DEPDC5: variants seen among roughly 807,000 people sequenced by gnomAD.
DEPDC5 encodes DEP domain containing 5, GATOR1 subcomplex subunit, also known as GATOR1 complex protein DEPDC5.
A neutral mutation model predicts 217.3 loss-of-function variants in DEPDC5; 73 were observed. The ratio of observed to expected loss-of-function variants is 0.34; its 90% confidence interval spans 0.28 to 0.41. DEPDC5 has a LOEUF of 0.41. Ranked by LOEUF, DEPDC5 falls within the 10% of genes least tolerant of loss-of-function variation. DEPDC5 has a pLI of 1.00. For missense variants in DEPDC5, 1,675 were observed against 2,070.1 expected, an observed-to-expected ratio of 0.81 and a Z score of 3.70; for synonymous variants, 733 against 756.7, an observed-to-expected ratio of 0.97 and a Z score of 0.51.
intron 19 of DEPDC5, 125 bp downstream of exon 19, chr22:31,809,772 G>C: frequency 1.1e-6 from 1 of 914,704 alleles, no homozygotes. Context: ...CTGAGGTCAG[G>C]AGTTCAAGAC....
chr22:31,870,300 G>C (rs927845388), intron 33 of DEPDC5, among the ~76,000 whole-genome samples: 1 of 152,068 alleles, frequency 6.6e-6, no homozygotes, highest in Non-Finnish European at 1.5e-5. Flanking sequence ...TTTGGTCCTG[G>C]GGATTTACTG....
chr22:31,867,033 G>T (rs1569151468), intron 33 of DEPDC5, among the ~76,000 whole-genome samples: 1 of 152,190 alleles, frequency 6.6e-6, no homozygotes. Context: ...CTAAAGCGGA[G>T]GGGGGAGTAT....
intron 21 of DEPDC5, among the ~76,000 whole-genome samples, chr22:31,816,194 G>GGAGGCT (rs1358425437): frequency 2.6e-5 from 4 of 151,440 alleles, no homozygotes; most frequent in African/African-American, 9.7e-5. Context: ...CAGCTACTCA[G>GGAGGCT]GAGGCTGAGG....
At chr22:31,848,767 A>G (rs1356689768) in intron 31 of DEPDC5, among the ~76,000 whole-genome samples, 1 of 152,110 alleles carries the variant, frequency 6.6e-6, no homozygotes, top group African/African-American at 2.4e-5. Context: ...CCTCCCAGAA[A>G]ATGGGTTTTT....
At position 31,893,643 on chromosome 22, in the gene DEPDC5, C is replaced by G. The variant is rs2093487034; in HGVS notation, c.4095C>G (p.Asp1365Glu). 6.2e-7 allele frequency: 1 copy of G among 1,613,892 alleles called. No homozygotes were observed. Among genetic ancestry groups the G allele is most frequent in the Non-Finnish European group, 8.5e-7 (1 of 1,179,930 alleles). Residue 1365 changes from aspartate (D) to glutamate (E), a missense_variant, in exon 39 of 43, where the codon GAC becomes GAG. Around this residue, in one of 11 missense-constraint regions of DEPDC5, gnomAD observed 182 missense variants for 290.1 expected, o/e 0.63. Transcript: ENST00000651528. Reference protein sequence around the residue: ...TLDVDVNNRTDRLEWCSCYYH... With the variant: ...TLDVDVNNRTERLEWCSCYYH... Reference sequence around the variant, plus strand: ...ATGTTGACGTGAACAACCGCACAGACCGGCTGGAGTGGTGCAGCTGTTATT... The same window carrying G: ...ATGTTGACGTGAACAACCGCACAGAGCGGCTGGAGTGGTGCAGCTGTTATT...
chr22:31,807,915 G>A (rs1043884032), intron 18 of DEPDC5, among the ~76,000 whole-genome samples: 1 of 152,082 alleles, frequency 6.6e-6, no homozygotes, highest in Middle Eastern at 3.4e-3. Context: ...TTAGGGGGGA[G>A]GGCTGTTAAT....
At chr22:31,897,928 C>T (rs1037532482) in intron 40 of DEPDC5, among the ~76,000 whole-genome samples, 2 of 152,170 alleles carry the variant, frequency 1.3e-5, no homozygotes, top group South Asian at 2.1e-4. Context: ...TGGGAGAGGG[C>T]GCTAAACTCT....
intron 40 of DEPDC5, among the ~76,000 whole-genome samples, chr22:31,900,423 G>A (rs1056622358): frequency 6.6e-6 from 1 of 152,034 alleles, no homozygotes; most frequent in South Asian, 2.1e-4. Context: ...GCCCTTTCTT[G>A]TGGGAAGATT....
At chr22:31,798,522 T>TAAA in intron 13 of DEPDC5, 60 bp from the exon 14 acceptor site, 1 of 1,361,774 alleles carries the variant, frequency 7.3e-7, no homozygotes, top group Non-Finnish European at 1.0e-6. Flanking sequence ...CGTTTAAAAT[T>TAAA]AAAAAAAAAA....
intron 8 of DEPDC5, among the ~76,000 whole-genome samples, chr22:31,782,929 G>C (rs900630685): frequency 2.6e-5 from 4 of 152,184 alleles, no homozygotes; most frequent in Admixed American, 2.6e-4. Flanking sequence ...TTTGCTTTTA[G>C]AAGTCCCAAG....
chr22:31,863,327 C>T (rs895656280), intron 33 of DEPDC5, among the ~76,000 whole-genome samples: 13 of 152,148 alleles, frequency 8.5e-5, no homozygotes, highest in Non-Finnish European at 1.3e-4. Flanking sequence ...CCACAACGCC[C>T]GGCTAACTTT....
intron 16 of DEPDC5, 46 bp from the exon 17 acceptor site, chr22:31,804,796 C>T (rs758787962): frequency 1.3e-6 from 2 of 1,583,426 alleles, no homozygotes; most frequent in East Asian, 4.5e-5. Context: ...GTTCCAAAAC[C>T]TACTTGTTCT....
intron 21 of DEPDC5, among the ~76,000 whole-genome samples, chr22:31,817,805 T>C (rs1248252509): frequency 6.6e-6 from 1 of 152,200 alleles, no homozygotes; most frequent in African/African-American, 2.4e-5. Context: ...TCTTTTTTTT[T>C]TTACTAGGTT....
intron 24 of DEPDC5, chr22:31,831,188 C>G (rs2090569972): frequency 6.6e-6 from 1 of 152,076 alleles, no homozygotes; most frequent in African/African-American, 2.4e-5. Context: ...CAGAAAGAAT[C>G]TAAATTCAGG....
At chr22:31,877,436 CAAAAAAAA>C (rs71184527) in intron 37 of DEPDC5, among the ~76,000 whole-genome samples, 45 of 21,008 alleles carry the variant, frequency 2.1e-3, no homozygotes, top group African/African-American at 5.6e-3. Flanking sequence ...GACTCCATCT[CAAAAAAAA>C]AAAAAAAAAA....
chr22:31,898,738 C>A (rs1282163686), intron 40 of DEPDC5, among the ~76,000 whole-genome samples: 1 of 152,094 alleles, frequency 6.6e-6, no homozygotes, highest in Non-Finnish European at 1.5e-5. Context: ...TTTTTGTTTG[C>A]AGTTTGGAAG....
chr22:31,802,041 T>TAA (rs1013942093), intron 14 of DEPDC5, among the ~76,000 whole-genome samples: 1 of 147,902 alleles, frequency 6.8e-6, no homozygotes, highest in South Asian at 2.1e-4. Context: ...TATATAATAT[T>TAA]AAAATAATAT....
chr22:31,827,705 T>C (rs1349412255), intron 24 of DEPDC5, among the ~76,000 whole-genome samples: 1 of 152,170 alleles, frequency 6.6e-6, no homozygotes, highest in African/African-American at 2.4e-5. Context: ...GTCTCCTGCT[T>C]TCTCCCTCTC....
intron 36 of DEPDC5, among the ~76,000 whole-genome samples, chr22:31,874,707 A>C (rs1031725595): frequency 5.9e-5 from 9 of 152,132 alleles, no homozygotes; most frequent in African/African-American, 2.2e-4. Context: ...CCTCCCTCTG[A>C]CCTCAAGCCG....
Sources: gnomAD v4.1 joint callset for allele counts (sites outside exome capture counted in the v4.1 genomes callset) on GRCh38, gnomAD v4.1.1 for gene constraint, gnomAD v4.1.1 regional missense constraint, MANE v1.5 for transcripts, NCBI Gene and HGNC (gene_info 2026-07-23, HGNC 2026-07-21) for gene names.